GPD2: variants seen among roughly 807,000 people sequenced by gnomAD.
GPD2 encodes the protein glycerol-3-phosphate dehydrogenase 2, also known as glycerol-3-phosphate dehydrogenase, mitochondrial.
GPD2 carries 54 observed loss-of-function variants against 82.4 expected under a neutral mutation model. That is an observed-to-expected ratio of 0.66 (90% confidence interval 0.53 to 0.82). The LOEUF is 0.82. Ranked by LOEUF, GPD2 falls within the 40% of genes least tolerant of loss-of-function variation. The pLI, the probability that GPD2 is intolerant of heterozygous loss-of-function variation, is 0.00. For missense variants in GPD2, 748 were observed against 896.2 expected, an observed-to-expected ratio of 0.83 and a Z score of 2.11; for synonymous variants, 288 against 306.1, an observed-to-expected ratio of 0.94 and a Z score of 0.62.
At chr2:156,416,562 T>C in the GPD2 span, among the ~76,000 whole-genome samples, 8 of 149,488 alleles carry the variant, frequency 5.4e-5, 1 homozygote, top group Middle Eastern at 3.4e-3. Flanking sequence ...AGGGTTTCAC[T>C]ATGTTGCCCA....
At chr2:156,400,847 C>T in the GPD2 span, among the ~76,000 whole-genome samples, 5 of 152,254 alleles carry the variant, frequency 3.3e-5, no homozygotes, top group East Asian at 1.9e-4. Context: ...TCCAAATCAG[C>T]CGACGTTTGC....
intron 16 of GPD2, 79 bp from the exon 17 acceptor site, chr2:156,582,714 A>C: frequency 6.8e-7 from 1 of 1,477,726 alleles, no homozygotes; most frequent in Non-Finnish European, 9.4e-7. Flanking sequence ...TGTCTGCTGC[A>C]ATTCTAACGA....
intron 6 of GPD2, among the ~76,000 whole-genome samples, chr2:156,549,374 G>C (rs956661911): frequency 6.6e-6 from 1 of 152,190 alleles, no homozygotes; most frequent in Non-Finnish European, 1.5e-5. Context: ...CTGTAGGAAA[G>C]GGATATTTTC....
At chr2:156,574,215 G>GAAA (rs34925801) in intron 13 of GPD2, among the ~76,000 whole-genome samples, 1 of 146,120 alleles carries the variant, frequency 6.8e-6, no homozygotes, top group Non-Finnish European at 1.5e-5. Flanking sequence ...AACATTTAGA[G>GAAA]AAAAAAAAAA....
intron 9 of GPD2, among the ~76,000 whole-genome samples, chr2:156,561,316 G>A (rs1687167396): frequency 6.6e-6 from 1 of 152,038 alleles, no homozygotes; most frequent in Non-Finnish European, 1.5e-5. Flanking sequence ...AAAGTGCTGG[G>A]ATTACAGGTG....
chr2:156,467,315 T>C (rs1405380506), intron 1 of GPD2, among the ~76,000 whole-genome samples: 2 of 152,190 alleles, frequency 1.3e-5, no homozygotes, highest in African/African-American at 4.8e-5. Context: ...TTCCCAGCAA[T>C]GTGTGAGTGT....
At position 156,532,296 on chromosome 2, in the gene GPD2, T is replaced by C. The variant is rs945014103; in HGVS notation, c.662-17312T>C. Among the ~76,000 whole-genome samples, 112 of 152,348 alleles carry C rather than the reference T, an allele frequency of 7.4e-4. 1 individual carries two copies. Among genetic ancestry groups the C allele is most frequent in the African/African-American group, 2.6e-3 (110 of 41,588 alleles). On this transcript the variant is annotated intron_variant, in intron 6 of 16. Transcript: ENST00000438166. ...TGCTGGGATTACAGATGTGAGCCAC[T>C]GCATCCAGCCCCCAGATTTTAATTT...
intron 2 of GPD2, among the ~76,000 whole-genome samples, chr2:156,488,494 C>T (rs561889261): frequency 1.3e-5 from 2 of 152,274 alleles, no homozygotes; most frequent in South Asian, 4.1e-4. Context: ...TATTACTGTA[C>T]ATGATTACAG....
chr2:156,457,086 C>T (rs1682813137), intron 1 of GPD2, among the ~76,000 whole-genome samples: 1 of 152,174 alleles, frequency 6.6e-6, no homozygotes, highest in Admixed American at 6.5e-5. Flanking sequence ...AAAATTGACT[C>T]ATAGACTGTT....
At chr2:156,411,999 G>A in the GPD2 span, among the ~76,000 whole-genome samples, 1 of 152,112 alleles carries the variant, frequency 6.6e-6, no homozygotes, top group Non-Finnish European at 1.5e-5. Flanking sequence ...AAAGTGCTTG[G>A]CCACCTCATT....
intron 1 of GPD2, among the ~76,000 whole-genome samples, chr2:156,460,270 T>G (rs192209917): frequency 2.8e-4 from 43 of 152,314 alleles, no homozygotes; most frequent in Non-Finnish European, 7.3e-5. Context: ...TCTGGTGAAT[T>G]GCATCTGCTC....
the GPD2 span, among the ~76,000 whole-genome samples, chr2:156,406,981 C>G: frequency 6.6e-6 from 1 of 152,166 alleles, no homozygotes; most frequent in Non-Finnish European, 1.5e-5. Flanking sequence ...GAGGCCAAGA[C>G]GGGCAGATCA....
At chr2:156,532,761 C>T (rs1331014055) in intron 6 of GPD2, among the ~76,000 whole-genome samples, 2 of 152,188 alleles carry the variant, frequency 1.3e-5, no homozygotes, top group African/African-American at 4.8e-5. Context: ...TTTAGAAGGA[C>T]ATTGGGTAGT....
At chr2:156,427,553 C>G in the GPD2 span, among the ~76,000 whole-genome samples, 1 of 152,150 alleles carries the variant, frequency 6.6e-6, no homozygotes, top group African/African-American at 2.4e-5. Context: ...AAATTGAGCC[C>G]ATTTACATGG....
At chr2:156,454,678 T>G (rs1314452499) in intron 1 of GPD2, among the ~76,000 whole-genome samples, 1 of 152,022 alleles carries the variant, frequency 6.6e-6, no homozygotes, top group Non-Finnish European at 1.5e-5. Context: ...AGAGTTTAAG[T>G]ACCAGAGGGC....
chr2:156,424,615 C>A, the GPD2 span, among the ~76,000 whole-genome samples: 2 of 152,228 alleles, frequency 1.3e-5, no homozygotes, highest in African/African-American at 4.8e-5. Flanking sequence ...AATTTGAAGA[C>A]TAGATGTGAG....
chr2:156,513,358 G>T lies in GPD2; in HGVS notation c.523G>T (p.Val175Leu). The T allele has an allele frequency of 6.2e-7, 1 of 1,611,836 alleles. No homozygotes were observed. Among genetic ancestry groups the T allele is most frequent in the African/African-American group, 1.3e-5 (1 of 74,960 alleles). The change falls in exon 6 of 17, where the codon GTA becomes TTA. Residue 175 changes from valine to leucine, a missense_variant. Physicochemically the swap from Val to Leu is conservative, Grantham distance 32 (BLOSUM62 1). Around this residue, in one of 3 missense-constraint regions of GPD2, gnomAD observed 692 missense variants for 809.7 expected, o/e 0.85. Coordinates refer to ENST00000438166, the MANE Select transcript of GPD2 (RefSeq NM_000408.5). ...YKWWQLPYYW[V>L]GIKLYDLVAG... ...GTGGTGGCAGTTACCTTACTACTGGGTAGGAATCAAGCTGTATGATTTGGT... is the reference window on the plus strand; with the variant it reads ...GTGGTGGCAGTTACCTTACTACTGGTTAGGAATCAAGCTGTATGATTTGGT...
intron 6 of GPD2, among the ~76,000 whole-genome samples, chr2:156,514,129 CT>C (rs5835618): frequency 0.38 from 54,283 of 141,482 alleles, 10,095 homozygotes; most frequent in Middle Eastern, 0.47. Flanking sequence ...AATGTTCATT[CT>C]TTTTTTTTTT....
intron 6 of GPD2, among the ~76,000 whole-genome samples, chr2:156,539,566 A>G (rs1163391923): frequency 6.6e-6 from 1 of 152,216 alleles, no homozygotes; most frequent in Non-Finnish European, 1.5e-5. Flanking sequence ...AAGACTTACC[A>G]TGAAACAGAT....
Sources: allele counts gnomAD v4.1 joint callset (sites outside exome capture counted in the v4.1 genomes callset), GRCh38; gene constraint gnomAD v4.1.1; regional missense constraint gnomAD v4.1.1; transcripts MANE v1.5; gene names NCBI Gene and HGNC (gene_info 2026-07-23, HGNC 2026-07-21).